Variants in NXPE2 observed in about 807,000 individuals in gnomAD.
NXPE2 encodes neurexophilin and PC-esterase domain family member 2, also known as NXPE family member 2.
NXPE2 carries 34 observed loss-of-function variants against 34.4 expected under a neutral mutation model. That is an observed-to-expected ratio of 0.99 (90% CI 0.75 to 1.31). The LOEUF (loss-of-function observed/expected upper bound fraction) is 1.31, where lower values mean the gene tolerates loss of function less well. Among genes scored for constraint, NXPE2 ranks in the 40% most tolerant of loss-of-function variants. NXPE2 has a pLI of 0.00. For missense variants in NXPE2, 649 were observed against 672.5 expected (o/e 0.97, Z 0.39); for synonymous variants, 235 against 231.3 (o/e 1.02, Z -0.15).
the NXPE2 span, among the ~76,000 whole-genome samples, chr11:114,553,177 C>T: frequency 6.6e-6 from 1 of 152,122 alleles, no homozygotes; most frequent in African/African-American, 2.4e-5. Flanking sequence ...ATAATTTATT[C>T]CTTTGTGCTC....
the NXPE2 span, among the ~76,000 whole-genome samples, chr11:114,543,310 T>G: frequency 6.6e-6 from 1 of 151,130 alleles, no homozygotes; most frequent in Admixed American, 6.6e-5. Flanking sequence ...GAGCCAAGAT[T>G]GCACCATTGT....
chr11:114,530,492 C>A, the NXPE2 span: 79 of 1,613,930 alleles, frequency 4.9e-5, no homozygotes, highest in Non-Finnish European at 6.7e-5. Flanking sequence ...CCTGGCCCTC[C>A]CAGAACAGAG....
chr11:114,759,033 CA>C, the NXPE2 span, among the ~76,000 whole-genome samples: 1 of 152,128 alleles, frequency 6.6e-6, no homozygotes, highest in African/African-American at 2.4e-5. Flanking sequence ...CCTACACTCA[CA>C]CCCACACTCC....
chr11:114,732,524 G>A, the NXPE2 span, among the ~76,000 whole-genome samples: 1 of 152,146 alleles, frequency 6.6e-6, no homozygotes. Flanking sequence ...AACCCAACCT[G>A]TGACACTGGT....
chr11:114,738,626 T>C, the NXPE2 span, among the ~76,000 whole-genome samples: 6 of 152,206 alleles, frequency 3.9e-5, no homozygotes, highest in Non-Finnish European at 7.3e-5. Context: ...TAAAAGTCTC[T>C]AACTCCTGAG....
At chr11:114,572,582 C>A in the NXPE2 span, among the ~76,000 whole-genome samples, 2 of 152,086 alleles carry the variant, frequency 1.3e-5, no homozygotes, top group Admixed American at 1.3e-4. Context: ...ACTGGAAATT[C>A]TCAGCAATAG....
the NXPE2 span, among the ~76,000 whole-genome samples, chr11:114,801,665 G>A: frequency 5.4e-3 from 5 of 926 alleles, no homozygotes; most frequent in African/African-American, 6.7e-3. Flanking sequence ...AGGATGTGAA[G>A]AAAAGGAGAA....
chr11:114,559,325 C>T, the NXPE2 span, among the ~76,000 whole-genome samples: 6 of 151,948 alleles, frequency 3.9e-5, no homozygotes, highest in African/African-American at 9.7e-5. Context: ...TAGACCACAA[C>T]GATCTCTCCC....
intron 1 of NXPE2, among the ~76,000 whole-genome samples, chr11:114,679,091 C>T (rs1027832116): frequency 2.6e-5 from 4 of 151,914 alleles, no homozygotes; most frequent in Admixed American, 6.6e-5. Context: ...AAGACTGTAA[C>T]TTTCACTCTT....
chr11:114,651,516 A>T, the NXPE2 span, among the ~76,000 whole-genome samples: 2,075 of 152,346 alleles, frequency 0.014, 34 homozygotes, highest in African/African-American at 0.047. Flanking sequence ...AACCTGCCAC[A>T]GCATGGAAGA....
chr11:114,698,458 C>T lies in NXPE2; in HGVS notation c.546C>T (p.Phe182=), dbSNP rs1226533215. ...NGTYLVSFTL[F]WEGQVSLSLL... is the part of the protein sequence containing the mutation. ...CCTACCTGGTCAGCTTCACTCTGTT[C>T]TGGGAGGGCCAGGTTTCCCTGTCTC... Residue 182 remains phenylalanine, a synonymous_variant, in exon 3 of 6, where the codon TTC becomes TTT. Coordinates refer to ENST00000389586, the MANE Select transcript of NXPE2 (RefSeq NM_182495.6). The T allele has an allele frequency of 1.2e-6, 2 of 1,613,868 alleles. No homozygotes were observed. Among genetic ancestry groups the T allele is most frequent in the Non-Finnish European group, 1.7e-6 (2 of 1,179,932 alleles).
chr11:114,714,066 A>C, the NXPE2 span, among the ~76,000 whole-genome samples: 1 of 152,220 alleles, frequency 6.6e-6, no homozygotes, highest in Non-Finnish European at 1.5e-5. Context: ...ATTATGTGCT[A>C]TTGACAGTAT....
chr11:114,688,191 G>T (rs1197613278), intron 2 of NXPE2, among the ~76,000 whole-genome samples: 2 of 151,950 alleles, frequency 1.3e-5, no homozygotes, highest in Admixed American at 1.3e-4. Context: ...TCCAGTTTTT[G>T]CCTGTTCATT....
At chr11:114,716,936 A>G in the NXPE2 span, among the ~76,000 whole-genome samples, 1 of 152,356 alleles carries the variant, frequency 6.6e-6, no homozygotes, top group East Asian at 1.9e-4. Context: ...AGCAGGGGTC[A>G]GCAAACTAAC....
chr11:114,617,411 A>G, the NXPE2 span, among the ~76,000 whole-genome samples: 2 of 151,952 alleles, frequency 1.3e-5, no homozygotes, highest in Non-Finnish European at 2.9e-5. Context: ...CTCGTGGGTA[A>G]CCACTGTTAC....
chr11:114,644,996 T>C, the NXPE2 span, among the ~76,000 whole-genome samples: 1 of 151,744 alleles, frequency 6.6e-6, no homozygotes, highest in Non-Finnish European at 1.5e-5. Context: ...TAAATGATTA[T>C]TCACACTATT....
the NXPE2 span, among the ~76,000 whole-genome samples, chr11:114,785,062 C>T: frequency 6.6e-6 from 1 of 152,198 alleles, no homozygotes; most frequent in African/African-American, 2.4e-5. Context: ...TAACAACAGT[C>T]TGCCCTGTGA....
chr11:114,611,211 C>T, the NXPE2 span, among the ~76,000 whole-genome samples: 1 of 151,674 alleles, frequency 6.6e-6, no homozygotes, highest in Admixed American at 6.6e-5. Flanking sequence ...ATAAGTAGTA[C>T]TGCATGGGTA....
the NXPE2 span, among the ~76,000 whole-genome samples, chr11:114,741,510 G>T: frequency 6.6e-6 from 1 of 151,646 alleles, no homozygotes; most frequent in Non-Finnish European, 1.5e-5. Context: ...ACTCCTTTTT[G>T]TTTTTTCCTC....
Sources: allele counts gnomAD v4.1 joint callset (sites outside exome capture counted in the v4.1 genomes callset), GRCh38; gene constraint gnomAD v4.1.1; transcripts MANE v1.5; gene names NCBI Gene and HGNC (gene_info 2026-07-23, HGNC 2026-07-21).